The following NLGN1 variants were observed in gnomAD, a reference collection of about 807,000 sequenced individuals.
NLGN1 encodes neuroligin 1.
Under a neutral mutation model 65.5 loss-of-function variants are expected in NLGN1, and 12 were observed. The observed-to-expected ratio is 0.18, with a 90% confidence interval of 0.12 to 0.30. The LOEUF (loss-of-function observed/expected upper bound fraction) is 0.30, where lower values mean the gene tolerates loss of function less well. Among genes scored for constraint, NLGN1 ranks in the 10% least tolerant of loss-of-function variants. The probability of loss-of-function intolerance (pLI) is 1.00; values close to 1 mark genes in which losing one functional copy is unlikely to be tolerated. For synonymous variants in NLGN1, 350 were observed against 359.5 expected (o/e 0.97, Z 0.30); for missense variants, 750 against 1,007.1 (o/e 0.74, Z 3.46).
intron 3 of NLGN1, among the ~76,000 whole-genome samples, chr3:173,729,420 A>G (rs1201951792): frequency 2.0e-5 from 3 of 151,972 alleles, no homozygotes; most frequent in Non-Finnish European, 4.4e-5. Context: ...GTTTCCATCT[A>G]TCCTAATTCT....
chr3:173,611,625 T>G (rs1264981666), intron 3 of NLGN1, among the ~76,000 whole-genome samples: 1 of 152,066 alleles, frequency 6.6e-6, no homozygotes, highest in Non-Finnish European at 1.5e-5. Flanking sequence ...GATGTGGTTA[T>G]GTCTTCTAAA....
intron 3 of NLGN1, among the ~76,000 whole-genome samples, chr3:173,675,069 T>C (rs1577889839): frequency 6.6e-6 from 1 of 152,084 alleles, no homozygotes; most frequent in African/African-American, 2.4e-5. Flanking sequence ...TGTATGCTTT[T>C]AATTTATAAA....
At chr3:173,785,330 T>G (rs115138930) in intron 3 of NLGN1, among the ~76,000 whole-genome samples, 1 of 152,208 alleles carries the variant, frequency 6.6e-6, no homozygotes, top group East Asian at 1.9e-4. Flanking sequence ...TCCCCATCAA[T>G]ATATCTTGAT....
At chr3:173,921,505 C>G (rs116658879) in intron 4 of NLGN1, among the ~76,000 whole-genome samples, 1 of 151,452 alleles carries the variant, frequency 6.6e-6, no homozygotes, top group Non-Finnish European at 1.5e-5. Flanking sequence ...TTATTTTACC[C>G]TAGGAAAATA....
At chr3:173,834,534 T>A (rs1354710598) in intron 4 of NLGN1, among the ~76,000 whole-genome samples, 1 of 152,174 alleles carries the variant, frequency 6.6e-6, no homozygotes, top group Admixed American at 6.5e-5. Context: ...AATTTTCCCA[T>A]TTACAAGTGA....
chr3:173,525,752 T>G (rs546720090), intron 2 of NLGN1, among the ~76,000 whole-genome samples: 14 of 152,242 alleles, frequency 9.2e-5, no homozygotes, highest in African/African-American at 3.1e-4. Context: ...AGCTTTTCTC[T>G]TATCACTGCT....
chr3:174,197,768 GTGTGTGTGTA>G (rs1275103609), intron 4 of NLGN1, among the ~76,000 whole-genome samples: 26 of 151,682 alleles, frequency 1.7e-4, no homozygotes, highest in Non-Finnish European at 3.4e-4. Flanking sequence ...GTGTGTGTGT[GTGTGTGTGTA>G]TGTAGATAAG....
At chr3:173,667,535 C>G (rs1271734182) in intron 3 of NLGN1, among the ~76,000 whole-genome samples, 1 of 152,110 alleles carries the variant, frequency 6.6e-6, no homozygotes, top group Non-Finnish European at 1.5e-5. Context: ...AAATTGCAGA[C>G]TTTAATTGAA....
chr3:173,684,466 A>G (rs1299166434), intron 3 of NLGN1, among the ~76,000 whole-genome samples: 1 of 152,194 alleles, frequency 6.6e-6, no homozygotes, highest in Non-Finnish European at 1.5e-5. Context: ...TACCTGGGTA[A>G]TAGACGTAAA....
chr3:173,752,180 G>A (rs1776398215), intron 3 of NLGN1, among the ~76,000 whole-genome samples: 1 of 151,996 alleles, frequency 6.6e-6, no homozygotes, highest in Non-Finnish European at 1.5e-5. Flanking sequence ...TACCTCTTCT[G>A]CCAGACTTCT....
At chr3:173,740,871 C>T (rs995060276) in intron 3 of NLGN1, among the ~76,000 whole-genome samples, 1 of 152,036 alleles carries the variant, frequency 6.6e-6, no homozygotes, top group African/African-American at 2.4e-5. Flanking sequence ...CTTGCTAGCA[C>T]TGACAAAGAA....
At chr3:173,471,215 T>G (rs1048231987) in intron 2 of NLGN1, among the ~76,000 whole-genome samples, 1 of 152,056 alleles carries the variant, frequency 6.6e-6, no homozygotes, top group African/African-American at 2.4e-5. Context: ...GGTAGATTGG[T>G]TTTTTAGGGC....
chr3:173,603,298 G>A (rs1362238961), intron 2 of NLGN1, among the ~76,000 whole-genome samples: 3 of 152,118 alleles, frequency 2.0e-5, no homozygotes, highest in African/African-American at 4.8e-5. Context: ...GGATTACGTT[G>A]CACTGAATGT....
At chr3:173,934,664 T>C (rs1744729594) in intron 4 of NLGN1, among the ~76,000 whole-genome samples, 1 of 151,996 alleles carries the variant, frequency 6.6e-6, no homozygotes, top group South Asian at 2.1e-4. Flanking sequence ...ATTCTGTAAA[T>C]AAGAAGCAGT....
At chr3:173,716,271 G>T (rs188619932) in intron 3 of NLGN1, among the ~76,000 whole-genome samples, 4 of 152,212 alleles carry the variant, frequency 2.6e-5, no homozygotes, top group African/African-American at 9.6e-5. Flanking sequence ...ATGGGTCACA[G>T]ATTTTGTAGA....
chr3:173,909,753 A>C (rs971595062), intron 4 of NLGN1, among the ~76,000 whole-genome samples: 3 of 152,000 alleles, frequency 2.0e-5, no homozygotes, highest in Non-Finnish European at 4.4e-5. Context: ...GATCTCGGCT[A>C]CCGCAACCTC....
At chr3:173,512,594 A>T (rs1733160282) in intron 2 of NLGN1, among the ~76,000 whole-genome samples, 2 of 152,284 alleles carry the variant, frequency 1.3e-5, no homozygotes, top group South Asian at 4.1e-4. Flanking sequence ...GTTTTCAAAA[A>T]GGAAACATTC....
At chr3:173,486,402 T>G (rs538152821) in intron 2 of NLGN1, among the ~76,000 whole-genome samples, 1 of 152,172 alleles carries the variant, frequency 6.6e-6, no homozygotes, top group Non-Finnish European at 1.5e-5. Flanking sequence ...TGAGGTGAAA[T>G]TATAGGCTTC....
intron 2 of NLGN1, among the ~76,000 whole-genome samples, chr3:173,435,743 G>A (rs681354): frequency 0.64 from 96,885 of 151,444 alleles, 31,483 homozygotes; most frequent in East Asian, 0.94. Flanking sequence ...GCTGAGGCGG[G>A]AGAATTGCTT....
Sources: allele counts gnomAD v4.1 joint callset (sites outside exome capture counted in the v4.1 genomes callset), GRCh38; gene constraint gnomAD v4.1.1; transcripts MANE v1.5; gene names NCBI Gene and HGNC (gene_info 2026-07-23, HGNC 2026-07-21).